The following PIWIL4 variants were observed in gnomAD, a reference collection of about 807,000 sequenced individuals.
PIWIL4 encodes the protein piwi-like protein 4.
In PIWIL4, 50 loss-of-function variants were observed where a neutral mutation model predicts 100.9. That is an observed-to-expected ratio of 0.50 (90% CI 0.39 to 0.63). PIWIL4 has a LOEUF of 0.63. Ranked by LOEUF, PIWIL4 falls within the 20% of genes least tolerant of loss-of-function variation. The pLI, the probability that PIWIL4 is intolerant of heterozygous loss-of-function variation, is 0.00. For synonymous variants in PIWIL4, 342 were observed against 367.5 expected (o/e 0.93, Z 0.79); for missense variants, 887 against 1,043.3 (o/e 0.85, Z 2.06).
chr11:94,600,650 A>G (rs565345555), intron 11 of PIWIL4, among the ~76,000 whole-genome samples: 2 of 152,254 alleles, frequency 1.3e-5, no homozygotes, highest in Admixed American at 1.3e-4. Flanking sequence ...TTTGAGAGCA[A>G]CCGGTCTGAC....
intron 15 of PIWIL4, among the ~76,000 whole-genome samples, chr11:94,614,348 C>A (rs867505783): frequency 7.1e-6 from 1 of 141,466 alleles, no homozygotes; most frequent in Non-Finnish European, 1.5e-5. Context: ...GCTCTTGTCA[C>A]GCAGGCTGGA....
chr11:94,609,764 TTATA>T (rs1171967890), intron 15 of PIWIL4, among the ~76,000 whole-genome samples: 1 of 152,112 alleles, frequency 6.6e-6, no homozygotes, highest in Middle Eastern at 3.2e-3. Context: ...GATGCATACA[TTATA>T]TATATTTTGA....
chr11:94,612,922 G>A (rs1398399205), intron 15 of PIWIL4, among the ~76,000 whole-genome samples: 1 of 151,812 alleles, frequency 6.6e-6, no homozygotes, highest in Non-Finnish European at 1.5e-5. Flanking sequence ...TAATTGTATT[G>A]TTATTTTCTT....
rs764024993 is a variant in PIWIL4 at position 94,608,586 on chromosome 11, A to G, written c.1843A>G (p.Lys615Glu). The change falls in exon 15 of 20, where the codon AAG (lysine) becomes GAG (glutamate). Residue 615 changes from lysine (K) to glutamate (E), a missense_variant. Physicochemically the swap from Lys to Glu is moderately conservative, Grantham distance 56 (BLOSUM62 1). Transcript: ENST00000299001. ...CATGACAAATTTAATTTTATAGTTA[A>G]AGTCCCTGATGGTGGTCGGTATTGA... ...GELWAVEIPL[K>E]SLMVVGIDVC... 6.2e-7 allele frequency: 1 copy of G among 1,613,292 alleles called. No homozygotes were observed.
At chr11:94,608,921 C>A (rs1948757487) in intron 15 of PIWIL4, among the ~76,000 whole-genome samples, 1 of 152,078 alleles carries the variant, frequency 6.6e-6, no homozygotes, top group East Asian at 1.9e-4. Flanking sequence ...GCTCATCTTC[C>A]CCAAATGATA....
At chr11:94,573,883 G>C (rs1476335877) in intron 2 of PIWIL4, among the ~76,000 whole-genome samples, 1 of 151,966 alleles carries the variant, frequency 6.6e-6, no homozygotes, top group Non-Finnish European at 1.5e-5. Flanking sequence ...GTGCAAAATG[G>C]AAACTCTGTA....
intron 15 of PIWIL4, 82 bp from the exon 16 acceptor site, chr11:94,616,409 CTG>C (rs1948847284): frequency 1.7e-6 from 2 of 1,177,936 alleles, no homozygotes; most frequent in South Asian, 2.9e-5. Flanking sequence ...CTCATAATCT[CTG>C]TTTCTTAATT....
intron 13 of PIWIL4, among the ~76,000 whole-genome samples, chr11:94,606,833 C>CA (rs34989614): frequency 0.066 from 6,789 of 102,688 alleles, 399 homozygotes; most frequent in African/African-American, 0.16. Context: ...GACTCTGTCT[C>CA]AAAAAAAAAA....
intron 11 of PIWIL4, among the ~76,000 whole-genome samples, chr11:94,600,510 C>T (rs1418849737): frequency 6.6e-6 from 1 of 152,136 alleles, no homozygotes; most frequent in Non-Finnish European, 1.5e-5. Context: ...AGATCACGTA[C>T]TTTACAAGGT....
chr11:94,581,373 G>T (rs1353025453), intron 4 of PIWIL4, among the ~76,000 whole-genome samples: 4 of 152,158 alleles, frequency 2.6e-5, no homozygotes, highest in African/African-American at 9.7e-5. Context: ...TGATCAGTGA[G>T]GTGGACAATG....
chr11:94,618,103 A>G lies in PIWIL4; in HGVS notation c.2164A>G (p.Thr722Ala), dbSNP rs1423323849. ...LSSVAESSSN[T>A]SSRLSVIVVR... The stretch of plus-strand genomic sequence containing the variant: ...CAGTGTGGCAGAATCCAGCTCAAAT[A>G]CCAGGTATTCAATTATTGTTCTTTC... The change falls in exon 17 of 20, where the codon ACC (threonine) becomes GCC (alanine). Residue 722 changes from threonine to alanine, a missense_variant. Around this residue, in one of 2 missense-constraint regions of PIWIL4, gnomAD observed 741 missense variants for 930.0 expected, o/e 0.80. Transcript: ENST00000299001. The G allele has an allele frequency of 1.9e-6, 3 of 1,564,714 alleles. No homozygotes were observed. The Admixed American group carries it at 5.5e-5, about 29-fold the overall frequency.
intron 5 of PIWIL4, among the ~76,000 whole-genome samples, chr11:94,584,057 G>A (rs1948363345): frequency 6.6e-6 from 1 of 152,142 alleles, no homozygotes; most frequent in African/African-American, 2.4e-5. Flanking sequence ...GCTCTTCAGT[G>A]TTCTGCAGAC....
Position 94,585,505 on chromosome 11 carries a change from A to G in PIWIL4, c.696A>G (p.Pro232=), listed in dbSNP as rs11020843. The G allele has an allele frequency of 2.3e-3, 3,643 of 1,609,580 alleles. 61 individuals carry two copies. The African/African-American group carries it at 0.042, about 19-fold the overall frequency. Residue 232 remains proline (P), a synonymous_variant, in exon 6 of 20, where the codon CCA becomes CCG. Transcript: ENST00000299001. ...GGAACTTCTATAATCCTTCAGAGCC[A>G]ATGGAAATTCCCCAGCACAAGTAGG... The part of the protein sequence containing the change: ...IGRNFYNPSE[P]MEIPQHKLSL...
intron 12 of PIWIL4, among the ~76,000 whole-genome samples, chr11:94,602,584 T>C (rs116954142): frequency 2.4e-3 from 367 of 152,312 alleles, no homozygotes; most frequent in Non-Finnish European, 4.2e-3. Context: ...TAGTTTTTCA[T>C]TGAGTAAGAG....
intron 4 of PIWIL4, among the ~76,000 whole-genome samples, chr11:94,581,809 C>A (rs760894134): frequency 6.6e-6 from 1 of 152,184 alleles, no homozygotes; most frequent in African/African-American, 2.4e-5. Context: ...AACCCTGTGA[C>A]TTTAGTTAGA....
intron 2 of PIWIL4, among the ~76,000 whole-genome samples, chr11:94,572,608 G>A (rs1037850019): frequency 6.6e-6 from 1 of 152,134 alleles, no homozygotes; most frequent in Admixed American, 6.5e-5. Flanking sequence ...TAGATGTGTG[G>A]TGTTATTTCT....
At chr11:94,593,769 T>C (rs1948518279) in intron 9 of PIWIL4, 128 bp downstream of exon 9, 10 of 1,027,980 alleles carry the variant, frequency 9.7e-6, no homozygotes, top group Non-Finnish European at 9.6e-6. Context: ...GATGGTCCTT[T>C]TAAGTAATTT....
rs541266012 is a variant in PIWIL4 at position 94,604,470 on chromosome 11, A to G, written c.1638+414A>G. Among the ~76,000 whole-genome samples the G allele has an allele frequency of 1.2e-3, 181 of 152,180 alleles. 1 individual carries two copies. The highest frequency in any genetic ancestry group is 2.0e-3 in the Non-Finnish European group (139 of 67,998). On this transcript the variant is annotated intron_variant, in intron 13 of 19. Coordinates refer to ENST00000299001, the MANE Select transcript of PIWIL4 (RefSeq NM_152431.3). ...TTCCTGCTTCCTGTGAATTCTTGCC[A>G]CCTTCTGTGCATTTCAGAGAGGACC...
At chr11:94,593,699 G>T in intron 9 of PIWIL4, 58 bp downstream of exon 9, 1 of 1,577,296 alleles carries the variant, frequency 6.3e-7, no homozygotes. Flanking sequence ...CTGATGCTTG[G>T]CAGTGGGCAG....
Sources: allele counts gnomAD v4.1 joint callset (sites outside exome capture counted in the v4.1 genomes callset), GRCh38; gene constraint gnomAD v4.1.1; regional missense constraint gnomAD v4.1.1; transcripts MANE v1.5; gene names NCBI Gene and HGNC (gene_info 2026-07-23, HGNC 2026-07-21).